BEST3: variants seen among roughly 807,000 people sequenced by gnomAD.
BEST3 encodes the protein bestrophin 3.
BEST3 carries 50 observed loss-of-function variants against 47.1 expected under a neutral mutation model. The ratio of observed to expected loss-of-function variants is 1.06; its 90% CI spans 0.85 to 1.34. BEST3 has a LOEUF of 1.34. BEST3 is among the 40% of genes most tolerant of loss of function. BEST3 has a pLI of 0.00. For synonymous variants in BEST3, 282 were observed against 298.8 expected, an observed-to-expected ratio of 0.94 and a Z score of 0.58; for missense variants, 765 against 817.0, an observed-to-expected ratio of 0.94 and a Z score of 0.78.
chr12:69,657,426 T>G (rs914774151), intron 9 of BEST3, among the ~76,000 whole-genome samples: 1 of 152,190 alleles, frequency 6.6e-6, no homozygotes, highest in Non-Finnish European at 1.5e-5. Context: ...CCTTCAGGAC[T>G]GACATAAAAT....
chr12:69,679,316 C>G (rs186491748), intron 4 of BEST3, among the ~76,000 whole-genome samples: 20 of 152,338 alleles, frequency 1.3e-4, no homozygotes, highest in African/African-American at 4.3e-4. Flanking sequence ...ACACATGACT[C>G]ACATGACTTT....
intron 8 of BEST3, among the ~76,000 whole-genome samples, chr12:69,672,412 T>C (rs710725): frequency 0.8 from 121,988 of 152,222 alleles, 49,294 homozygotes; most frequent in East Asian, 1. Context: ...TTAGTGCATT[T>C]CATGCAGATT....
rs183612471 is a variant in BEST3, at chr12:69,686,895, A to G, written c.481+6779T>C. Among the ~76,000 whole-genome samples the G allele has an allele frequency of 7.0e-3, 1,061 of 152,334 alleles. 6 individuals carry two copies. The highest frequency in any genetic ancestry group is 0.011 in the Admixed American group (174 of 15,306). On this transcript the variant is annotated intron_variant, in intron 4 of 9. Coordinates refer to ENST00000330891, the MANE Select transcript of BEST3 (RefSeq NM_032735.3). ...CTGATGGCACCTGCAGAAGGTCGCA[A>G]AACTTTCACCAAGAAAGCAATGATT...
intron 9 of BEST3, among the ~76,000 whole-genome samples, chr12:69,667,056 T>C (rs916249746): frequency 1.3e-5 from 2 of 152,220 alleles, no homozygotes; most frequent in African/African-American, 4.8e-5. Context: ...AATGTGACCC[T>C]GTCACTTAAT....
chr12:69,657,096 T>C lies in BEST3; in HGVS notation c.1101-1283A>G, dbSNP rs1445523611. On this transcript the variant is annotated intron_variant, in intron 9 of 9. Transcript: ENST00000330891. ...AAAACAAATAATTCTACCATTTAAT[T>C]AGTTAATTTATTTATTTGAGACAGA... 2.6e-5 allele frequency among the ~76,000 whole-genome samples: 4 copies of C among 152,060 alleles called. No individual in the cohort carries two copies. In the East Asian group the frequency reaches 5.8e-4, roughly 22 times the overall value.
intron 2 of BEST3, among the ~76,000 whole-genome samples, chr12:69,695,277 C>G (rs1355938730): frequency 6.6e-6 from 1 of 152,048 alleles, no homozygotes; most frequent in Non-Finnish European, 1.5e-5. Flanking sequence ...TGTAGCTGTT[C>G]CAAAGGAGGA....
intron 9 of BEST3, among the ~76,000 whole-genome samples, chr12:69,645,588 C>T (rs1027998710): frequency 6.6e-6 from 1 of 152,122 alleles, no homozygotes; most frequent in African/African-American, 2.4e-5. Context: ...GTTACAGATG[C>T]GGTGTGGAAT....
downstream of BEST3, among the ~76,000 whole-genome samples, chr12:69,651,413 C>T (rs142824458): frequency 1.2e-3 from 176 of 152,242 alleles, 1 homozygote; most frequent in Admixed American, 0.011. Flanking sequence ...TAACTCATGG[C>T]CACTTGGGCT....
chr12:69,687,711 GT>G, intron 4 of BEST3, among the ~76,000 whole-genome samples: 1 of 150,832 alleles, frequency 6.6e-6, no homozygotes, highest in Non-Finnish European at 1.5e-5. Context: ...ATTAAAGGGT[GT>G]TTTTTTCCTC....
At chr12:69,671,354 T>G (rs1297667117) in intron 9 of BEST3, 74 bp downstream of exon 9, 1 of 1,347,906 alleles carries the variant, frequency 7.4e-7, no homozygotes, top group East Asian at 2.5e-5. Flanking sequence ...TTCTTTTTTT[T>G]TTTTTATAGA....
Position 69,693,731 on chromosome 12 carries a change from A to G in BEST3, c.424T>C (p.Ser142Pro), listed in dbSNP as rs755241147. Residue 142 changes from serine (S) to proline (P), a missense_variant, in exon 4 of 10, where the codon TCG becomes CCG. Transcript: ENST00000330891. ...VNLTSLLIFR[S>P]VSTAVYKRFP... ...CTTTTGTACACAGCAGTGCTCACCG[A>G]GCGAAAGATGAGCAGGGAGGTGAGA... is the stretch of plus-strand genomic sequence containing the variant. 1.2e-6 allele frequency: 2 copies of G among 1,614,174 alleles called. No homozygotes were observed. Among genetic ancestry groups the G allele is most frequent in the Admixed American group, 1.7e-5 (1 of 60,026 alleles).
intron 4 of BEST3, among the ~76,000 whole-genome samples, chr12:69,687,813 G>A (rs1250840880): frequency 6.6e-6 from 1 of 152,182 alleles, no homozygotes; most frequent in African/African-American, 2.4e-5. Flanking sequence ...ATGCAGAGAT[G>A]TAAAGTTTAA....
Position 69,655,696 on chromosome 12 carries a change from G to C in BEST3, c.1218C>G (p.Ser406=). 2 of 1,614,004 alleles carry C rather than the reference G, an allele frequency of 1.2e-6. No individual in the cohort carries two copies. The highest frequency in any genetic ancestry group is 1.7e-6 in the Non-Finnish European group (2 of 1,179,994). The part of the protein sequence containing the change: ...KRFLSAHEHP[S]SPRRRSYRRQ... ...TCCTGTAGCTTCTTCTTCTGGGGCT[G>C]GAGGGGTGTTCGTGGGCACTCAGGA... Residue 406 remains serine (S), a synonymous_variant, in exon 10 of 10, where the codon TCC becomes TCG. Transcript: ENST00000330891.
At chr12:69,670,553 A>G (rs1346775057) in intron 9 of BEST3, 11 of 702,714 alleles carry the variant, frequency 1.6e-5, no homozygotes, top group Non-Finnish European at 2.6e-5. Flanking sequence ...CATTCGGCAA[A>G]GGGAACAGGG....
Position 69,655,622 on chromosome 12 carries a change from G to A in BEST3, c.1292C>T (p.Pro431Leu). The change falls in exon 10 of 10, where the codon CCA (proline) becomes CTA (leucine). Residue 431 changes from proline to leucine, a missense_variant. Transcript: ENST00000330891. ...SMFLPRDDLS[P>L]ARDLLDVPSR... ...GGGCACATCCAGTAGGTCCCTGGCT[G>A]GGCTGAGGTCATCTCGGGGTAAGAA... 1 of 1,614,050 alleles carries A rather than the reference G, an allele frequency of 6.2e-7. No individual in the cohort carries two copies. The highest frequency in any genetic ancestry group is 1.3e-5 in the African/African-American group (1 of 75,030).
chr12:69,679,914 CGTGTGTGT>C (rs35274840), intron 4 of BEST3, among the ~76,000 whole-genome samples: 31 of 150,140 alleles, frequency 2.1e-4, no homozygotes, highest in African/African-American at 7.4e-4. Flanking sequence ...TGTATGCATG[CGTGTGTGT>C]GTGTGTGTGT....
intron 9 of BEST3, among the ~76,000 whole-genome samples, chr12:69,659,007 G>T (rs1883698328): frequency 6.6e-6 from 1 of 152,144 alleles, no homozygotes; most frequent in South Asian, 2.1e-4. Flanking sequence ...TACACAAAAA[G>T]CAACGTTGAT....
intron 4 of BEST3, among the ~76,000 whole-genome samples, chr12:69,693,133 G>C (rs2136043545): frequency 6.6e-6 from 1 of 152,236 alleles, no homozygotes; most frequent in African/African-American, 2.4e-5. Flanking sequence ...GTAAACTTGA[G>C]GGCAGGAACC....
At chr12:69,685,087 G>C (rs1871176928) in intron 4 of BEST3, among the ~76,000 whole-genome samples, 2 of 151,082 alleles carry the variant, frequency 1.3e-5, no homozygotes, top group Admixed American at 1.3e-4. Context: ...CCGTTAACCT[G>C]ATTTAAGAAT....
Sources: gnomAD v4.1 joint callset for allele counts (sites outside exome capture counted in the v4.1 genomes callset) on GRCh38, gnomAD v4.1.1 for gene constraint, MANE v1.5 for transcripts, NCBI Gene and HGNC (gene_info 2026-07-23, HGNC 2026-07-21) for gene names.